GSK3B: variants seen among roughly 807,000 people sequenced by gnomAD.
GSK3B encodes the protein glycogen synthase kinase-3 beta.
Under a neutral mutation model 56.4 loss-of-function variants are expected in GSK3B, and 15 were observed. That is an observed-to-expected ratio of 0.27 (90% CI 0.18 to 0.41). The LOEUF (loss-of-function observed/expected upper bound fraction) is 0.41. Ranked by LOEUF, GSK3B falls within the 10% of genes least tolerant of loss-of-function variation. The pLI is 1.00. For missense variants in GSK3B, 300 were observed against 513.4 expected (o/e 0.58, Z 4.02); for synonymous variants, 181 against 188.9 (o/e 0.96, Z 0.34).
At chr3:120,060,197 A>T (rs531977951) in intron 1 of GSK3B, among the ~76,000 whole-genome samples, 1 of 152,236 alleles carries the variant, frequency 6.6e-6, no homozygotes, top group African/African-American at 2.4e-5. Context: ...TTACAAGGTG[A>T]TAAGTGTTAG....
chr3:119,862,901 G>A lies in GSK3B; in HGVS notation c.1096+518C>T, dbSNP rs559509421. 6.6e-5 allele frequency among the ~76,000 whole-genome samples: 10 copies of A among 152,174 alleles called. No homozygotes were observed. In the South Asian group the frequency reaches 1.9e-3, roughly 28 times the overall value. ...TCAGTATTATCTCAGCAGCAGCAATGGTGCCAGTCTCAGAGGGGATGGAAA... is the reference window on the plus strand; with the variant it reads ...TCAGTATTATCTCAGCAGCAGCAATAGTGCCAGTCTCAGAGGGGATGGAAA... On this transcript the variant is annotated intron_variant, in intron 9 of 10. Coordinates refer to ENST00000264235, the MANE Select transcript of GSK3B (RefSeq NM_001146156.2).
At chr3:120,036,650 G>A (rs1358653544) in intron 1 of GSK3B, among the ~76,000 whole-genome samples, 1 of 151,966 alleles carries the variant, frequency 6.6e-6, no homozygotes, top group Non-Finnish European at 1.5e-5. Context: ...AAAATTAGGT[G>A]GGCATGGTGG....
intron 4 of GSK3B, among the ~76,000 whole-genome samples, chr3:119,921,118 C>T (rs1312205770): frequency 2.0e-5 from 3 of 152,230 alleles, no homozygotes; most frequent in Non-Finnish European, 4.4e-5. Flanking sequence ...TTAAGACTCA[C>T]ATAAGATACT....
rs545004267 is a variant in GSK3B at position 119,863,582 on chromosome 3, C to A, written c.933G>T (p.Pro311=). Residue 311 remains proline (P), a synonymous_variant, in exon 9 of 11, where the codon CCG becomes CCT. Coordinates refer to ENST00000264235, the MANE Select transcript of GSK3B (RefSeq NM_001146156.2). ...WTKVFRPRTP[P]EAIALCSRLL... is the part of the protein sequence containing the mutation. ...GACGGCTACACAGTGCAATTGCCTCCGGTGGAGTTCGGGGTCGGAAGACCT... is the reference window on the plus strand; with the variant it reads ...GACGGCTACACAGTGCAATTGCCTCAGGTGGAGTTCGGGGTCGGAAGACCT... The A allele has an allele frequency of 2.5e-6, 4 of 1,611,364 alleles. No individual in the cohort carries two copies. The South Asian group carries it at 4.4e-5, about 18-fold the overall frequency.
At chr3:119,919,488 T>C (rs1166714390) in intron 4 of GSK3B, among the ~76,000 whole-genome samples, 1 of 135,886 alleles carries the variant, frequency 7.4e-6, no homozygotes, top group Non-Finnish European at 1.5e-5. Flanking sequence ...AGCCAATAGA[T>C]CTGGCCTCTG....
chr3:119,999,253 T>C (rs911112642), intron 2 of GSK3B, among the ~76,000 whole-genome samples: 1 of 152,112 alleles, frequency 6.6e-6, no homozygotes, highest in East Asian at 1.9e-4. Flanking sequence ...TACTATGATA[T>C]AGAAAGAGGA....
intron 9 of GSK3B, among the ~76,000 whole-genome samples, chr3:119,848,432 A>C (rs1266657094): frequency 6.6e-6 from 1 of 152,030 alleles, no homozygotes; most frequent in Admixed American, 6.6e-5. Context: ...TTTTTTTTTA[A>C]ATTAAGGTAT....
At chr3:119,948,962 A>G in intron 2 of GSK3B, among the ~76,000 whole-genome samples, 1 of 152,110 alleles carries the variant, frequency 6.6e-6, no homozygotes, top group African/African-American at 2.4e-5. Context: ...TCAGCCTCCC[A>G]AAGTGCTGGG....
chr3:120,000,763 G>C (rs187771017), intron 2 of GSK3B, among the ~76,000 whole-genome samples: 19 of 142,700 alleles, frequency 1.3e-4, no homozygotes, highest in African/African-American at 5.0e-4. Flanking sequence ...GACGAGAACT[G>C]AATTTTGGGA....
At chr3:120,005,311 T>C (rs2057717383) in intron 1 of GSK3B, among the ~76,000 whole-genome samples, 1 of 152,154 alleles carries the variant, frequency 6.6e-6, no homozygotes. Flanking sequence ...ATGGTGTACC[T>C]GAAAGTGATG....
intron 1 of GSK3B, among the ~76,000 whole-genome samples, chr3:120,067,939 G>C (rs1243390679): frequency 6.6e-6 from 1 of 152,198 alleles, no homozygotes; most frequent in Non-Finnish European, 1.5e-5. Flanking sequence ...TACAATCACA[G>C]AAATGTGAAT....
chr3:119,915,924 A>C, intron 5 of GSK3B, 120 bp downstream of exon 5: 2 of 666,714 alleles, frequency 3.0e-6, no homozygotes, highest in South Asian at 4.2e-5. Context: ...GCACTAGTTT[A>C]TACTTCTTGA....
intron 7 of GSK3B, among the ~76,000 whole-genome samples, chr3:119,888,805 A>G (rs540817099): frequency 7.2e-4 from 109 of 152,206 alleles, no homozygotes; most frequent in African/African-American, 2.5e-3. Context: ...AAAGAAATGC[A>G]TTCCTTGGGG....
chr3:119,934,330 T>C (rs1031555172), intron 3 of GSK3B, among the ~76,000 whole-genome samples: 1 of 152,206 alleles, frequency 6.6e-6, no homozygotes, highest in African/African-American at 2.4e-5. Flanking sequence ...ACACTTTACC[T>C]CTCTGTTGTC....
chr3:119,881,105 T>G (rs1365249520), intron 7 of GSK3B, among the ~76,000 whole-genome samples: 1 of 152,090 alleles, frequency 6.6e-6, no homozygotes, highest in African/African-American at 2.4e-5. Context: ...TGTGGCATAG[T>G]CATACAATAG....
At chr3:119,862,049 G>C (rs1044649028) in intron 9 of GSK3B, among the ~76,000 whole-genome samples, 2 of 150,464 alleles carry the variant, frequency 1.3e-5, no homozygotes, top group Admixed American at 6.6e-5. Context: ...CTAATGTGCT[G>C]GGCAAACATA....
intron 8 of GSK3B, among the ~76,000 whole-genome samples, chr3:119,868,567 T>C (rs900118682): frequency 6.6e-6 from 1 of 152,210 alleles, no homozygotes; most frequent in Admixed American, 6.5e-5. Context: ...ATGGTTAACA[T>C]GGATCTCACA....
intron 2 of GSK3B, among the ~76,000 whole-genome samples, chr3:119,970,806 C>T (rs112932910): frequency 1.3e-5 from 2 of 149,860 alleles, no homozygotes; most frequent in Non-Finnish European, 3.0e-5. Context: ...AACAAACAAA[C>T]AAAAAAAACA....
intron 8 of GSK3B, chr3:119,866,696 AG>A: frequency 1.0e-6 from 1 of 977,706 alleles, no homozygotes; most frequent in Middle Eastern, 2.1e-4. Flanking sequence ...TAGTCCAGCA[AG>A]GAAAAATATA....
Sources: allele counts gnomAD v4.1 joint callset (sites outside exome capture counted in the v4.1 genomes callset), GRCh38; gene constraint gnomAD v4.1.1; transcripts MANE v1.5; gene names NCBI Gene and HGNC (gene_info 2026-07-23, HGNC 2026-07-21).